The following MAP7 variants were observed in gnomAD, a reference collection of about 807,000 sequenced individuals.
MAP7 encodes the protein ensconsin.
MAP7 carries 52 observed loss-of-function variants against 94.8 expected under a neutral mutation model. The ratio of observed to expected loss-of-function variants is 0.55; its 90% CI spans 0.44 to 0.69. MAP7 has a LOEUF of 0.69. Ranked by LOEUF, MAP7 falls within the 30% of genes least tolerant of loss-of-function variation. The probability of loss-of-function intolerance (pLI) is 0.00; values close to 1 mark genes in which losing one functional copy is unlikely to be tolerated. For missense variants in MAP7, 940 were observed against 964.6 expected (o/e 0.97, Z 0.34); for synonymous variants, 350 against 357.0 (o/e 0.98, Z 0.22).
intron 16 of MAP7, among the ~76,000 whole-genome samples, chr6:136,354,486 A>C (rs1790290142): frequency 6.8e-6 from 1 of 147,370 alleles, no homozygotes; most frequent in South Asian, 2.1e-4. Flanking sequence ...ATATATATAC[A>C]TATATATATT....
chr6:136,542,682 A>G (rs1427037723), intron 1 of MAP7, among the ~76,000 whole-genome samples: 1 of 152,130 alleles, frequency 6.6e-6, no homozygotes, highest in Non-Finnish European at 1.5e-5. Context: ...AATAAGAGAT[A>G]CTATGGCTCT....
intron 16 of MAP7, among the ~76,000 whole-genome samples, chr6:136,347,945 A>G (rs553194662): frequency 1.3e-5 from 2 of 152,090 alleles, no homozygotes; most frequent in Non-Finnish European, 1.5e-5. Flanking sequence ...TTTTACTAAG[A>G]AGGGAAGGGA....
chr6:136,371,128 G>A (rs376651741), intron 8 of MAP7, among the ~76,000 whole-genome samples: 3 of 152,030 alleles, frequency 2.0e-5, no homozygotes, highest in African/African-American at 7.2e-5. Flanking sequence ...TAGAGAAAGA[G>A]GAAGGTAATA....
intron 1 of MAP7, among the ~76,000 whole-genome samples, chr6:136,443,692 C>T (rs1238769729): frequency 8.5e-5 from 13 of 152,048 alleles, no homozygotes; most frequent in African/African-American, 2.9e-4. Context: ...TCAAGTGATG[C>T]GCCCACCTTG....
rs148443439 is a variant in MAP7, at chr6:136,452,913, A to C, written c.68-31114T>G. ...AGACATCATGCACATTTAATAGACT[A>C]CAGTATAGTGTAAATATAATTTTTA... On this transcript the variant is annotated intron_variant, in intron 1 of 17. Coordinates refer to ENST00000354570, the MANE Select transcript of MAP7 (RefSeq NM_003980.6). 1.4e-3 allele frequency among the ~76,000 whole-genome samples: 215 copies of C among 152,294 alleles called. 1 individual carries two copies. The highest frequency in any genetic ancestry group is 4.8e-3 in the African/African-American group (201 of 41,556).
intron 1 of MAP7, among the ~76,000 whole-genome samples, chr6:136,535,704 C>CA (rs1828820742): frequency 7.2e-6 from 1 of 139,016 alleles, no homozygotes; most frequent in Admixed American, 7.1e-5. Flanking sequence ...AGCTTAGAAG[C>CA]TTTTTTTTTC....
intron 1 of MAP7, among the ~76,000 whole-genome samples, chr6:136,484,974 A>G (rs748760351): frequency 1.3e-5 from 2 of 152,148 alleles, no homozygotes; most frequent in Middle Eastern, 3.2e-3. Flanking sequence ...GATTACAGGC[A>G]TGAGCCACTG....
At chr6:136,523,199 T>C (rs1002292618) in intron 1 of MAP7, among the ~76,000 whole-genome samples, 4 of 152,246 alleles carry the variant, frequency 2.6e-5, no homozygotes, top group Admixed American at 1.3e-4. Context: ...TCCAGGTTTC[T>C]GTGTTCTCAT....
chr6:136,360,905 A>C, intron 12 of MAP7, 100 bp downstream of exon 12: 1 of 1,550,082 alleles, frequency 6.5e-7, no homozygotes, highest in Middle Eastern at 2.1e-4. Context: ...GAAGGTGTGG[A>C]AAGCGGGAGC....
chr6:136,484,116 C>T (rs923724913), intron 1 of MAP7, among the ~76,000 whole-genome samples: 3 of 152,302 alleles, frequency 2.0e-5, no homozygotes, highest in East Asian at 1.9e-4. Flanking sequence ...TCTTGGCTCA[C>T]GCGAAGCCCT....
chr6:136,517,373 C>T (rs1321860547), intron 1 of MAP7, among the ~76,000 whole-genome samples: 2 of 152,188 alleles, frequency 1.3e-5, no homozygotes, highest in Non-Finnish European at 2.9e-5. Flanking sequence ...AAGAGACTGG[C>T]TAAGGTTTGG....
chr6:136,535,945 GT>G (rs1369288252), intron 1 of MAP7, among the ~76,000 whole-genome samples: 2 of 151,104 alleles, frequency 1.3e-5, no homozygotes, highest in African/African-American at 4.9e-5. Flanking sequence ...CCCTTCCCGT[GT>G]CCAAGTGTTC....
In MAP7 at chr6:136,541,289, C is replaced by G. The variant is rs1414428596; in HGVS notation, c.67+9053G>C. Among the ~76,000 whole-genome samples, 5 of 152,100 alleles carry G rather than the reference C, an allele frequency of 3.3e-5. 1 individual carries two copies. The highest frequency in any genetic ancestry group is 2.0e-4 in the Admixed American group (3 of 15,272). On this transcript the variant is annotated intron_variant, in intron 1 of 17. Coordinates refer to ENST00000354570, the MANE Select transcript of MAP7 (RefSeq NM_003980.6). ...GGGGTGGAGGTGCTAAGGAAGGGCT[C>G]CTTTCTAGAACTTCACCTTGACATT... is the stretch of plus-strand genomic sequence containing the variant.
chr6:136,364,835 A>G (rs1288723220), intron 10 of MAP7: 2 of 153,156 alleles, frequency 1.3e-5, no homozygotes, highest in African/African-American at 4.8e-5. Flanking sequence ...AGATGACTGG[A>G]GCTCTAGTGG....
At chr6:136,455,156 G>A (rs913319648) in intron 1 of MAP7, among the ~76,000 whole-genome samples, 2 of 151,734 alleles carry the variant, frequency 1.3e-5, no homozygotes, top group African/African-American at 4.8e-5. Context: ...TTAGACATGT[G>A]CTTCCAAATG....
At chr6:136,465,075 G>A (rs995913881) in intron 1 of MAP7, among the ~76,000 whole-genome samples, 2 of 152,198 alleles carry the variant, frequency 1.3e-5, no homozygotes, top group Admixed American at 6.5e-5. Flanking sequence ...GAGCAGCAGG[G>A]CTGCCGTATG....
chr6:136,362,130 A>C (rs1792981534), intron 11 of MAP7, among the ~76,000 whole-genome samples: 1 of 152,184 alleles, frequency 6.6e-6, no homozygotes, highest in Non-Finnish European at 1.5e-5. Context: ...CATTAAAATA[A>C]GAAAACATGG....
rs963868626 is a variant in MAP7, at chr6:136,462,401, C to T, written c.68-40602G>A. Among the ~76,000 whole-genome samples, 5 of 152,264 alleles carry T rather than the reference C, an allele frequency of 3.3e-5. No homozygotes were observed. The East Asian group carries it at 9.6e-4, about 29-fold the overall frequency. ...TCAATGTCCTTCCTGATTTAAGTTT[C>T]TCCCAGTTCTTTCATTTTATCTCAT... On this transcript the variant is annotated intron_variant, in intron 1 of 17. Transcript: ENST00000354570.
intron 15 of MAP7, among the ~76,000 whole-genome samples, chr6:136,357,966 A>C (rs575732723): frequency 5.9e-5 from 9 of 152,222 alleles, no homozygotes; most frequent in African/African-American, 1.9e-4. Context: ...TAGGTCTGTA[A>C]ACTCGCCTGC....
Sources: gnomAD v4.1 joint callset for allele counts (sites outside exome capture counted in the v4.1 genomes callset) on GRCh38, gnomAD v4.1.1 for gene constraint, MANE v1.5 for transcripts, NCBI Gene and HGNC (gene_info 2026-07-23, HGNC 2026-07-21) for gene names.